The following UQCC6 variants were observed in gnomAD, a reference collection of about 807,000 sequenced individuals.
UQCC6 encodes protein BRAWNIN.
the UQCC6 span, among the ~76,000 whole-genome samples, chr12:103,958,016 A>ATATATATTTATATATTTTTAG: frequency 7.1e-6 from 1 of 141,020 alleles, no homozygotes; most frequent in African/African-American, 2.6e-5. Context: ...TTTATTTTTA[A>ATATATATTTATATATTTTTAG]TATATATTTA....
chr12:103,950,532 C>T, the UQCC6 span: 1 of 152,164 alleles, frequency 6.6e-6, no homozygotes, highest in African/African-American at 2.4e-5. Context: ...CCACCATAGC[C>T]GAGGCAATCC....
At chr12:103,954,469 TGA>T in the UQCC6 span, among the ~76,000 whole-genome samples, 1 of 151,262 alleles carries the variant, frequency 6.6e-6, no homozygotes, top group African/African-American at 2.4e-5. Context: ...AGAGAGGGAG[TGA>T]GAGAGAGAGC....
At chr12:103,951,742 T>G in the UQCC6 span, 2 of 596,898 alleles carry the variant, frequency 3.4e-6, no homozygotes, top group South Asian at 2.2e-5. Flanking sequence ...TTCCCTTGCT[T>G]GCTACTCAAT....
chr12:103,953,170 CAGGT>C, the UQCC6 span, among the ~76,000 whole-genome samples: 1 of 152,158 alleles, frequency 6.6e-6, no homozygotes, highest in Non-Finnish European at 1.5e-5. Context: ...AGGCAGAAGA[CAGGT>C]CAGGAAGCTA....
chr12:103,950,498 C>T, the UQCC6 span: 1 of 152,192 alleles, frequency 6.6e-6, no homozygotes, highest in Non-Finnish European at 1.5e-5. Context: ...TGGGCCCCTT[C>T]AGGAGGCATG....
At chr12:103,957,998 A>AT in the UQCC6 span, among the ~76,000 whole-genome samples, 4 of 140,536 alleles carry the variant, frequency 2.8e-5, no homozygotes, top group Admixed American at 2.9e-4. Flanking sequence ...ATATATTTAT[A>AT]ATATATATTT....
chr12:103,960,149 G>A, the UQCC6 span, among the ~76,000 whole-genome samples: 1 of 151,766 alleles, frequency 6.6e-6, no homozygotes, highest in African/African-American at 2.4e-5. Context: ...GTGTAGTGGC[G>A]TGACCTTGAC....
At chr12:103,963,744 G>A in the UQCC6 span, among the ~76,000 whole-genome samples, 1 of 151,944 alleles carries the variant, frequency 6.6e-6, no homozygotes, top group African/African-American at 2.4e-5. Flanking sequence ...ATTGTTTGTT[G>A]TTAGTACATA....
At chr12:103,964,131 C>CTTTTTTTTT in the UQCC6 span, among the ~76,000 whole-genome samples, 1 of 69,470 alleles carries the variant, frequency 1.4e-5, no homozygotes, top group African/African-American at 6.2e-5. Flanking sequence ...CTCCCATAAG[C>CTTTTTTTTT]TTTTTTTTTT....
chr12:103,961,098 T>C, the UQCC6 span, among the ~76,000 whole-genome samples: 3 of 151,998 alleles, frequency 2.0e-5, no homozygotes, highest in Non-Finnish European at 2.9e-5. Context: ...TGGAAGACAG[T>C]GATACTGACG....
the UQCC6 span, chr12:103,956,808 G>T: frequency 9.1e-7 from 1 of 1,100,196 alleles, no homozygotes; most frequent in Non-Finnish European, 1.3e-6. Flanking sequence ...ACCGCGCCAG[G>T]GCTGAGGCGC....
the UQCC6 span, chr12:103,965,512 T>A: frequency 6.5e-6 from 1 of 152,990 alleles, no homozygotes; most frequent in Non-Finnish European, 1.5e-5. Flanking sequence ...TCACATCTCA[T>A]TACCTGATAA....
At chr12:103,958,407 ATACCCAAG>A in the UQCC6 span, among the ~76,000 whole-genome samples, 2 of 152,166 alleles carry the variant, frequency 1.3e-5, no homozygotes, top group Non-Finnish European at 2.9e-5. Context: ...GATAATGAAC[ATACCCAAG>A]ACCCTCAAAA....
At chr12:103,957,990 A>T in the UQCC6 span, among the ~76,000 whole-genome samples, 1 of 141,812 alleles carries the variant, frequency 7.1e-6, no homozygotes, top group Non-Finnish European at 1.5e-5. Flanking sequence ...ATATATTTAT[A>T]TATTTATAAT....
At chr12:103,951,893 G>T in the UQCC6 span, among the ~76,000 whole-genome samples, 1 of 152,122 alleles carries the variant, frequency 6.6e-6, no homozygotes, top group Non-Finnish European at 1.5e-5. Flanking sequence ...AGAATCAATT[G>T]ACAGGTTCAC....
the UQCC6 span, among the ~76,000 whole-genome samples, chr12:103,952,574 T>A: frequency 6.6e-6 from 1 of 152,242 alleles, no homozygotes; most frequent in Non-Finnish European, 1.5e-5. Context: ...GGAAACTGTT[T>A]AACTGCTTGA....
At chr12:103,950,461 A>C in the UQCC6 span, 1 of 152,184 alleles carries the variant, frequency 6.6e-6, no homozygotes, top group Non-Finnish European at 1.5e-5. Context: ...AGGCCTTTCT[A>C]TTCTCACCTC....
At chr12:103,961,007 T>G in the UQCC6 span, among the ~76,000 whole-genome samples, 21 of 152,064 alleles carry the variant, frequency 1.4e-4, no homozygotes, top group Non-Finnish European at 1.5e-4. Flanking sequence ...CTTCACAAGG[T>G]ACTCCAGAAA....
the UQCC6 span, among the ~76,000 whole-genome samples, chr12:103,961,310 GTC>G: frequency 1.3e-5 from 2 of 152,124 alleles, no homozygotes; most frequent in African/African-American, 4.8e-5. Flanking sequence ...AAATTAAAAA[GTC>G]TATAAAGTTA....
Sources: gnomAD v4.1 joint callset for allele counts (sites outside exome capture counted in the v4.1 genomes callset) on GRCh38, gnomAD v4.1.1 for gene constraint, MANE v1.5 for transcripts, NCBI Gene and HGNC (gene_info 2026-07-23, HGNC 2026-07-21) for gene names.